Variants in CDC34 observed in about 807,000 individuals in gnomAD.
CDC34 encodes the protein cell division cycle 34, ubiquitin conjugating enzyme, also known as ubiquitin-conjugating enzyme E2 R1.
CDC34 carries 18 observed loss-of-function variants against 26.8 expected under a neutral mutation model. The observed-to-expected ratio is 0.67, with a 90% CI of 0.47 to 1.00. CDC34 has a LOEUF of 1.00. Among genes scored for constraint, CDC34 ranks in the 50% least tolerant of loss-of-function variants. The probability of loss-of-function intolerance (pLI) is 0.00; values close to 1 mark genes in which losing one functional copy is unlikely to be tolerated. For synonymous variants in CDC34, 178 were observed against 147.5 expected, an observed-to-expected ratio of 1.21 and a Z score of -1.50; for missense variants, 280 against 334.5, an observed-to-expected ratio of 0.84 and a Z score of 1.27.
chr19:538,761 G>A (rs1979879446), intron 4 of CDC34: 1 of 985,292 alleles, frequency 1.0e-6, no homozygotes, highest in Admixed American at 6.1e-5. Context: ...GCATCCTGGT[G>A]CTGGGCGGTC....
chr19:535,917 C>G lies in CDC34; in HGVS notation c.258C>G (p.Ile86Met). ...RFLTKMWHPNIYETGDVCISI... is the reference protein window; with the variant it reads ...RFLTKMWHPNMYETGDVCISI... Reference sequence around the variant, plus strand: ...TGACCAAGATGTGGCACCCTAACATCTACGAGGTGAGCGCGGCCCCCACGG... The same window carrying G: ...TGACCAAGATGTGGCACCCTAACATGTACGAGGTGAGCGCGGCCCCCACGG... The change falls in exon 2 of 5, where the codon ATC becomes ATG. Residue 86 changes from isoleucine to methionine, a missense_variant. Ile to Met is a conservative substitution (Grantham distance 10, BLOSUM62 1). Transcript: ENST00000215574. 6.2e-7 allele frequency: 1 copy of G among 1,613,614 alleles called. No individual in the cohort carries two copies. Among genetic ancestry groups the G allele is most frequent in the Non-Finnish European group, 8.5e-7 (1 of 1,179,784 alleles).
At chr19:535,633 C>G (rs1022761366) in intron 1 of CDC34, among the ~76,000 whole-genome samples, 7 of 152,224 alleles carry the variant, frequency 4.6e-5, no homozygotes, top group Admixed American at 3.3e-4. Context: ...GGGATCAGCT[C>G]GGGTGACTCA....
intron 1 of CDC34, 59 bp from the exon 2 acceptor site, chr19:535,778 G>A: frequency 7.4e-7 from 1 of 1,359,884 alleles, no homozygotes; most frequent in African/African-American, 1.4e-5. Context: ...GGCACCTTGT[G>A]AGCTGGGGCA....
At chr19:533,120 G>A (rs1448613408) in intron 1 of CDC34, among the ~76,000 whole-genome samples, 1 of 152,212 alleles carries the variant, frequency 6.6e-6, no homozygotes, top group Non-Finnish European at 1.5e-5. Flanking sequence ...CGATCCAGAC[G>A]TGACCTTTGA....
chr19:536,671 G>T, intron 3 of CDC34: 1 of 535,278 alleles, frequency 1.9e-6, no homozygotes, highest in Non-Finnish European at 3.4e-6. Context: ...CTCGTGCCAC[G>T]TGTGCCGCCT....
In CDC34 at chr19:531,813, A is replaced by C. The variant is rs1979497861; in HGVS notation, c.-119A>C. Reference sequence around the variant, plus strand: ...GGCGGCGGCGGCGGCGCAGAGGAGGAGGCAGGCGGCGGCCCCGGTGGCTCC... The same window carrying C: ...GGCGGCGGCGGCGGCGCAGAGGAGGCGGCAGGCGGCGGCCCCGGTGGCTCC... On this transcript the variant is annotated 5_prime_UTR_variant, in exon 1 of 5. Transcript: ENST00000215574. 1 of 388,442 alleles carries C rather than the reference A, an allele frequency of 2.6e-6. No homozygotes were observed. Among genetic ancestry groups the C allele is most frequent in the Non-Finnish European group, 3.7e-6 (1 of 273,312 alleles). The allele number at this position is 388,442 out of a possible 1,614,324, so 24.1% of individuals were successfully genotyped here. A position where few individuals can be genotyped will look rare whatever the true frequency, so the allele number is the denominator to read the frequency against.
chr19:538,008 T>C (rs1229093874), intron 4 of CDC34, among the ~76,000 whole-genome samples: 1 of 152,196 alleles, frequency 6.6e-6, no homozygotes, highest in Non-Finnish European at 1.5e-5. Flanking sequence ...TTAACGCATG[T>C]CTGTGCTTTA....
chr19:537,192 G>A (rs1007066365), intron 4 of CDC34, 45 bp downstream of exon 4: 1 of 1,603,432 alleles, frequency 6.2e-7, no homozygotes, highest in Non-Finnish European at 8.5e-7. Context: ...CTCAGATCCG[G>A]CCTGCACCCC....
intron 4 of CDC34, chr19:539,105 A>C (rs1600428934): frequency 1.3e-6 from 1 of 790,888 alleles, no homozygotes; most frequent in Non-Finnish European, 1.5e-6. Flanking sequence ...CTGTTTTTTC[A>C]TCTGTGTGCG....
At chr19:538,807 C>T (rs1979881586) in intron 4 of CDC34, 5 of 985,238 alleles carry the variant, frequency 5.1e-6, no homozygotes, top group South Asian at 9.4e-5. Flanking sequence ...GGGCCCCGTG[C>T]GGCCTCCTGG....
At chr19:537,304 C>T (rs555822496) in intron 4 of CDC34, among the ~76,000 whole-genome samples, 157 bp downstream of exon 4, 4 of 152,270 alleles carry the variant, frequency 2.6e-5, no homozygotes, top group South Asian at 2.1e-4. Context: ...GAGGCCGGGC[C>T]GAGTGGCGGA....
At chr19:540,896 A>G (rs922723173) in intron 4 of CDC34, among the ~76,000 whole-genome samples, 1 of 151,918 alleles carries the variant, frequency 6.6e-6, no homozygotes. Flanking sequence ...TGCGTTTCCC[A>G]TCTCACCTGT....
intron 3 of CDC34, chr19:536,745 G>A: frequency 1.8e-6 from 1 of 557,330 alleles, no homozygotes; most frequent in Non-Finnish European, 3.2e-6. Context: ...TGTAGTCTAG[G>A]CAGGACGTGC....
chr19:535,199 CAG>C (rs1176655208), intron 1 of CDC34, among the ~76,000 whole-genome samples: 5 of 152,224 alleles, frequency 3.3e-5, no homozygotes, highest in African/African-American at 7.2e-5. Flanking sequence ...TGGGTGACCA[CAG>C]GGGGCGATGC....
At chr19:535,746 C>T (rs767323483) in intron 1 of CDC34, 91 bp from the exon 2 acceptor site, 9 of 944,412 alleles carry the variant, frequency 9.5e-6, no homozygotes, top group Non-Finnish European at 1.6e-5. Flanking sequence ...CAGGCACCAG[C>T]ACTGGGAGTG....
chr19:536,023 C>A, intron 2 of CDC34, 100 bp downstream of exon 2: 2 of 1,239,900 alleles, frequency 1.6e-6, no homozygotes, highest in East Asian at 2.3e-5. Flanking sequence ...GCGCTGGGAG[C>A]CTCACGTCCT....
chr19:533,034 G>T (rs1979569156), intron 1 of CDC34, among the ~76,000 whole-genome samples: 1 of 152,208 alleles, frequency 6.6e-6, no homozygotes, highest in South Asian at 2.1e-4. Context: ...TTTTGTTGTT[G>T]TTGGGAGCGG....
chr19:534,892 C>G lies in CDC34; in HGVS notation c.178-945C>G, dbSNP rs926346538. Among the ~76,000 whole-genome samples, 8 of 151,602 alleles carry G rather than the reference C, an allele frequency of 5.3e-5. No homozygotes were observed. In the South Asian group the frequency reaches 1.3e-3, roughly 24 times the overall value. On this transcript the variant is annotated intron_variant, in intron 1 of 4. Transcript: ENST00000215574. Reference sequence around the variant, plus strand: ...CCCTGTCCAGACCTCGCCCACGATCCAAGACCCCCTGAGTGCCCTCCCTGT... The same window carrying G: ...CCCTGTCCAGACCTCGCCCACGATCGAAGACCCCCTGAGTGCCCTCCCTGT...
At chr19:532,202 C>T (rs1002270328) in intron 1 of CDC34, 94 bp downstream of exon 1, 13 of 1,051,812 alleles carry the variant, frequency 1.2e-5, no homozygotes, top group Non-Finnish European at 1.4e-5. Flanking sequence ...AGCGCTGTTG[C>T]TGGGCGGGCC....
Sources: gnomAD v4.1 joint callset for allele counts (sites outside exome capture counted in the v4.1 genomes callset) on GRCh38, gnomAD v4.1.1 for gene constraint, MANE v1.5 for transcripts, NCBI Gene and HGNC (gene_info 2026-07-23, HGNC 2026-07-21) for gene names.